The following GNL1 variants were observed in gnomAD, a reference collection of about 807,000 sequenced individuals.
The protein encoded by GNL1 is G protein nucleolar 1, also known as guanine nucleotide-binding protein-like 1.
GNL1 carries 21 observed loss-of-function variants against 75.2 expected under a neutral mutation model. The observed-to-expected ratio is 0.28, with a 90% CI of 0.20 to 0.40. The LOEUF is 0.40. GNL1 is among the 10% of genes least tolerant of loss of function. The probability of loss-of-function intolerance (pLI) is 1.00; values close to 1 mark genes in which losing one functional copy is unlikely to be tolerated. For missense variants in GNL1, 579 were observed against 775.0 expected, an observed-to-expected ratio of 0.75 and a Z score of 3.00; for synonymous variants, 287 against 303.4, an observed-to-expected ratio of 0.95 and a Z score of 0.56.
Position 30,547,281 on chromosome 6 carries a change from GA to G in GNL1, c.1279-8del. 1 of 1,586,486 alleles carries G rather than the reference GA, an allele frequency of 6.3e-7. No homozygotes were observed. Among genetic ancestry groups the G allele is most frequent in the South Asian group, 1.1e-5 (1 of 87,746 alleles). On this transcript the variant is annotated splice_region_variant and splice_polypyrimidine_tract_variant and intron_variant, in intron 9 of 11. Transcript: ENST00000376621. The surrounding 1 kb of genome is among the most constrained non-coding windows in gnomAD (Gnocchi z 5.5). ...GGTAGATCCCTGCCAGAACCTGAGG[GA>G]AATGAGCACTCAGTACTTTCCTCAA...
chr6:30,556,328 C>T lies in GNL1; in HGVS notation c.-125G>A. The T allele has an allele frequency of 9.1e-7, 1 of 1,103,572 alleles. No individual in the cohort carries two copies. Among genetic ancestry groups the T allele is most frequent in the Non-Finnish European group, 1.3e-6 (1 of 758,340 alleles). The allele number at this position is 1,103,572 out of a possible 1,614,324, so 68.4% of individuals were successfully genotyped here. A position where few individuals can be genotyped will look rare whatever the true frequency, so the allele number is the denominator to read the frequency against. On this transcript the variant is annotated 5_prime_UTR_variant, in exon 1 of 12. Transcript: ENST00000376621. The surrounding 1 kb of genome is among the most constrained non-coding windows in gnomAD (Gnocchi z 5.7). ...AGGAGGCGGGGCTAGCAGGTGACGT[C>T]AGCGGGCGGGCCCGACAGAATTACC...
rs1799421025 is a variant in GNL1 at position 30,545,985 on chromosome 6, T to C, written c.*87A>G. On this transcript the variant is annotated 3_prime_UTR_variant, in exon 12 of 12. Transcript: ENST00000376621. ...GGGCTACAAAGCAAACAATCTTTAT[T>C]CACAATTGGGGTGGCAGAGGGGAGA... 1.1e-6 allele frequency: 1 copy of C among 923,390 alleles called. No homozygotes were observed. Among genetic ancestry groups the C allele is most frequent in the African/African-American group, 1.7e-5 (1 of 59,458 alleles). The allele number at this position is 923,390 out of a possible 1,614,324, so 57.2% of individuals were successfully genotyped here.
rs1353147139 is a variant in GNL1, at chr6:30,552,498, G to A, written c.1068C>T (p.Tyr356=). 6.2e-7 allele frequency: 1 copy of A among 1,614,018 alleles called. No homozygotes were observed. Among genetic ancestry groups the A allele is most frequent in the Non-Finnish European group, 8.5e-7 (1 of 1,179,916 alleles). ...AGCCGATGGTCACCACCCCATCCTT[G>A]TAGCGCTCTTGGGTTGGGCCAGTTG... ...MEPTGPTQER[Y]KDGVVTIGCV... Residue 356 remains tyrosine, a synonymous_variant, in exon 8 of 12, where the codon TAC becomes TAT. Coordinates refer to ENST00000376621, the MANE Select transcript of GNL1 (RefSeq NM_005275.5). This position sits in a 1 kb window ranked among gnomAD's most constrained non-coding sequence, Gnocchi z 4.5.
chr6:30,555,815 A>C lies in GNL1; in HGVS notation c.74-95T>G. The C allele has an allele frequency of 1.5e-6, 2 of 1,291,696 alleles. No homozygotes were observed. The highest frequency in any genetic ancestry group is 2.2e-6 in the Non-Finnish European group (2 of 920,322). 80.0% of individuals were successfully genotyped at this position (1,291,696 alleles called of 1,614,324 possible). A position where few individuals can be genotyped will look rare whatever the true frequency, so the allele number is the denominator to read the frequency against. On this transcript the variant is annotated intron_variant, in intron 1 of 11. Coordinates refer to ENST00000376621, the MANE Select transcript of GNL1 (RefSeq NM_005275.5). The surrounding 1 kb of genome is among the most constrained non-coding windows in gnomAD (Gnocchi z 4.3). ...GCCTGACTCCCTTTCATCCCACTCA[A>C]CTTCTTCCGATGTTCAGTCCTCCCA...
chr6:30,554,279 C>T (rs1318513185), intron 5 of GNL1, among the ~76,000 whole-genome samples: 3 of 152,124 alleles, frequency 2.0e-5, no homozygotes, highest in South Asian at 2.1e-4. Context: ...AGGAGGAAGT[C>T]CCCAGCTGCA....
chr6:30,549,790 T>C (rs1344890988), intron 8 of GNL1, among the ~76,000 whole-genome samples: 1 of 151,860 alleles, frequency 6.6e-6, no homozygotes, highest in African/African-American at 2.4e-5. Context: ...CTCCAACTAT[T>C]TCCTTTCTCT....
Position 30,556,489 on chromosome 6 carries a change from G to C in GNL1, c.-286C>G. ...GAGAGGGCGCCCCGGCGGCGAGGAA[G>C]GAGGCGCGCGTGGGAGGACCAGGCT... On this transcript the variant is annotated 5_prime_UTR_variant, in exon 1 of 12. Coordinates refer to ENST00000376621, the MANE Select transcript of GNL1 (RefSeq NM_005275.5). This position sits in a 1 kb window ranked among gnomAD's most constrained non-coding sequence, Gnocchi z 5.7. The C allele has an allele frequency of 1.8e-6, 1 of 542,242 alleles. No individual in the cohort carries two copies. The highest frequency in any genetic ancestry group is 3.3e-6 in the Non-Finnish European group (1 of 302,624). The allele number at this position is 542,242 out of a possible 1,614,324, so 33.6% of individuals were successfully genotyped here. A position where few individuals can be genotyped will look rare whatever the true frequency, so the allele number is the denominator to read the frequency against.
At position 30,552,385 on chromosome 6, in the gene GNL1, C is replaced by A. The variant is rs186329103; in HGVS notation, c.1099+82G>T. The A allele has an allele frequency of 4.5e-4, 557 of 1,225,786 alleles. 6 individuals carry two copies. In the South Asian group the frequency reaches 7.1e-3, roughly 16 times the overall value. 75.9% of individuals were successfully genotyped at this position (1,225,786 alleles called of 1,614,324 possible). On this transcript the variant is annotated intron_variant, in intron 8 of 11. Coordinates refer to ENST00000376621, the MANE Select transcript of GNL1 (RefSeq NM_005275.5). This position sits in a 1 kb window ranked among gnomAD's most constrained non-coding sequence, Gnocchi z 4.5. ...TCAGACACCCTGGGGCCTAATGAGA[C>A]CTGATCGCCCTCTCTCTTCTCCGAA...
Position 30,545,840 on chromosome 6 carries a change from C to T in GNL1, c.*232G>A. On this transcript the variant is annotated 3_prime_UTR_variant, in exon 12 of 12. Coordinates refer to ENST00000376621, the MANE Select transcript of GNL1 (RefSeq NM_005275.5). ...TTTCAGAGACTGAGAACCTACTAAA[C>T]TCCTAAGAGAACTTTCCCTTGCAAA... The T allele has an allele frequency of 1.9e-6, 1 of 531,970 alleles. No homozygotes were observed. The highest frequency in any genetic ancestry group is 3.5e-5 in the East Asian group (1 of 28,842). 33.0% of individuals were successfully genotyped at this position (531,970 alleles called of 1,614,324 possible). A position where few individuals can be genotyped will look rare whatever the true frequency, so the allele number is the denominator to read the frequency against.
chr6:30,551,650 C>T (rs975290977), intron 8 of GNL1, among the ~76,000 whole-genome samples: 1 of 152,168 alleles, frequency 6.6e-6, no homozygotes, highest in Non-Finnish European at 1.5e-5. Flanking sequence ...TAGAAGAATA[C>T]TAATTCTTGC....
In GNL1 at chr6:30,556,235, C is replaced by G; in HGVS notation, c.-32G>C. Reference sequence around the variant, plus strand: ...GACCAGTCACCTGGCCCGCCCTCCGCCGAGCTCCCGCCGCCTCAACTGACT... The same window carrying G: ...GACCAGTCACCTGGCCCGCCCTCCGGCGAGCTCCCGCCGCCTCAACTGACT... On this transcript the variant is annotated 5_prime_UTR_variant, in exon 1 of 12. Coordinates refer to ENST00000376621, the MANE Select transcript of GNL1 (RefSeq NM_005275.5). The surrounding 1 kb of genome is among the most constrained non-coding windows in gnomAD (Gnocchi z 5.7). 6.3e-7 allele frequency: 1 copy of G among 1,598,644 alleles called. No homozygotes were observed. The highest frequency in any genetic ancestry group is 8.5e-7 in the Non-Finnish European group (1 of 1,179,144).
Position 30,552,394 on chromosome 6 carries a change from C to A in GNL1, c.1099+73G>T. 1.5e-6 allele frequency: 2 copies of A among 1,306,784 alleles called. No homozygotes were observed. Among genetic ancestry groups the A allele is most frequent in the Non-Finnish European group, 2.2e-6 (2 of 920,876 alleles). 80.9% of individuals were successfully genotyped at this position (1,306,784 alleles called of 1,614,324 possible). On this transcript the variant is annotated intron_variant, in intron 8 of 11. Transcript: ENST00000376621. The surrounding 1 kb of genome is among the most constrained non-coding windows in gnomAD (Gnocchi z 4.5). ...CTGGGGCCTAATGAGACCTGATCGC[C>A]CTCTCTCTTCTCCGAATATGAAAAC...
Position 30,552,199 on chromosome 6 carries a change from T to TTATTTTTAAAATCAAAGTAACTAAGAC in GNL1, c.1099+241_1099+267dup. The TTATTTTTAAAATCAAAGTAACTAAGAC allele has an allele frequency of 2.2e-6, 1 of 464,270 alleles. No homozygotes were observed. The highest frequency in any genetic ancestry group is 3.8e-6 in the Non-Finnish European group (1 of 262,142). The allele number at this position is 464,270 out of a possible 1,614,324, so 28.8% of individuals were successfully genotyped here. A position where few individuals can be genotyped will look rare whatever the true frequency, so the allele number is the denominator to read the frequency against. ...TTCTTTTACTCAGGTATCAATGTCCTTATTTTTAAAATCAAAGTAACTAAG... is the reference window on the plus strand; with the variant it reads ...TTCTTTTACTCAGGTATCAATGTCCTTATTTTTAAAATCAAAGTAACTAAGACTATTTTTAAAATCAAAGTAACTAAG... On this transcript the variant is annotated intron_variant, in intron 8 of 11. Coordinates refer to ENST00000376621, the MANE Select transcript of GNL1 (RefSeq NM_005275.5). This position sits in a 1 kb window ranked among gnomAD's most constrained non-coding sequence, Gnocchi z 4.5.
chr6:30,546,194 C>T lies in GNL1; in HGVS notation c.1702G>A (p.Gly568Arg), dbSNP rs1421735378. 2.6e-6 allele frequency: 4 copies of T among 1,544,654 alleles called. No individual in the cohort carries two copies. Among genetic ancestry groups the T allele is most frequent in the Non-Finnish European group, 3.5e-6 (4 of 1,134,816 alleles). Reference protein sequence around the residue: ...EELSSSCEEEGEEDRDADEEG... With the variant: ...EELSSSCEEEREEDRDADEEG... ...TCATCCGCATCCCGGTCCTCCTCTC[C>T]CTCCTCCTCACAGGAGCTGCTCAGC... is the stretch of plus-strand genomic sequence containing the variant. The change falls in exon 12 of 12, where the codon GGA becomes AGA. Residue 568 changes from glycine (G) to arginine (R), a missense_variant. Coordinates refer to ENST00000376621, the MANE Select transcript of GNL1 (RefSeq NM_005275.5). The surrounding 1 kb of genome is among the most constrained non-coding windows in gnomAD (Gnocchi z 5.1).
rs1010692934 is a variant in GNL1 at position 30,553,338 on chromosome 6, T to C, written c.808+12A>G. On this transcript the variant is annotated intron_variant, in intron 6 of 11. Transcript: ENST00000376621. ...ACCTCTCCCAAGTTGCCCTCTCTCA[T>C]TGCCCACTCACCACTACTAGGGTCC... 6.2e-6 allele frequency: 10 copies of C among 1,604,782 alleles called. No homozygotes were observed. Among genetic ancestry groups the C allele is most frequent in the East Asian group, 2.2e-5 (1 of 44,840 alleles).
At position 30,552,715 on chromosome 6, in the gene GNL1, A is replaced by T; in HGVS notation, c.905-54T>A. The stretch of plus-strand genomic sequence containing the variant: ...GTTCTCCCCAGGGCTGCTGTGCATG[A>T]TGGCACATACTGTGCCCTGCACAGA... On this transcript the variant is annotated intron_variant, in intron 7 of 11. Coordinates refer to ENST00000376621, the MANE Select transcript of GNL1 (RefSeq NM_005275.5). This position sits in a 1 kb window ranked among gnomAD's most constrained non-coding sequence, Gnocchi z 4.5. 1 of 1,503,248 alleles carries T rather than the reference A, an allele frequency of 6.7e-7. No individual in the cohort carries two copies. Among genetic ancestry groups the T allele is most frequent in the Non-Finnish European group, 9.1e-7 (1 of 1,093,238 alleles). The allele number at this position is 1,503,248 out of a possible 1,614,324, so 93.1% of individuals were successfully genotyped here.
At position 30,552,986 on chromosome 6, in the gene GNL1, AC is replaced by A; in HGVS notation, c.904+97del. ...TTCCCCTGGCCTCTTGCACATATCC[AC>A]CATAGAGGGGTTGGCTTCAGGAAAG... On this transcript the variant is annotated intron_variant, in intron 7 of 11. Coordinates refer to ENST00000376621, the MANE Select transcript of GNL1 (RefSeq NM_005275.5). This position sits in a 1 kb window ranked among gnomAD's most constrained non-coding sequence, Gnocchi z 4.5. The A allele has an allele frequency of 1.2e-6, 1 of 837,742 alleles. No homozygotes were observed. The highest frequency in any genetic ancestry group is 2.0e-6 in the Non-Finnish European group (1 of 505,828). The allele number at this position is 837,742 out of a possible 1,614,324, so 51.9% of individuals were successfully genotyped here. A position where few individuals can be genotyped will look rare whatever the true frequency, so the allele number is the denominator to read the frequency against.
At position 30,555,794 on chromosome 6, in the gene GNL1, G is replaced by T; in HGVS notation, c.74-74C>A. On this transcript the variant is annotated intron_variant, in intron 1 of 11. Transcript: ENST00000376621. The surrounding 1 kb of genome is among the most constrained non-coding windows in gnomAD (Gnocchi z 4.3). ...ATAAGACCCTCTCCCCCATCGGCCT[G>T]ACTCCCTTTCATCCCACTCAACTTC... is the stretch of plus-strand genomic sequence containing the variant. 2.0e-6 allele frequency: 3 copies of T among 1,470,248 alleles called. No individual in the cohort carries two copies. Among genetic ancestry groups the T allele is most frequent in the Non-Finnish European group, 2.8e-6 (3 of 1,066,126 alleles). 91.1% of individuals were successfully genotyped at this position (1,470,248 alleles called of 1,614,324 possible). A position where few individuals can be genotyped will look rare whatever the true frequency, so the allele number is the denominator to read the frequency against.
chr6:30,552,362 A>G lies in GNL1; in HGVS notation c.1099+105T>C, dbSNP rs1799837399. 2 of 930,756 alleles carry G rather than the reference A, an allele frequency of 2.1e-6. No homozygotes were observed. The allele number at this position is 930,756 out of a possible 1,614,324, so 57.7% of individuals were successfully genotyped here. On this transcript the variant is annotated intron_variant, in intron 8 of 11. Transcript: ENST00000376621. This position sits in a 1 kb window ranked among gnomAD's most constrained non-coding sequence, Gnocchi z 4.5. ...CCGCCACTGGCAGAGATCACCCCTC[A>G]GACACCCTGGGGCCTAATGAGACCT...
Sources: gnomAD v4.1 joint callset for allele counts (sites outside exome capture counted in the v4.1 genomes callset) on GRCh38, gnomAD v4.1.1 for gene constraint, Gnocchi (gnomAD v3.1) non-coding constraint, MANE v1.5 for transcripts, NCBI Gene and HGNC (gene_info 2026-07-23, HGNC 2026-07-21) for gene names.